Variants in GALNT9 observed in about 807,000 individuals in gnomAD.
GALNT9 encodes polypeptide N-acetylgalactosaminyltransferase 9.
Under a neutral mutation model 63.1 loss-of-function variants are expected in GALNT9, and 47 were observed. That is an observed-to-expected ratio of 0.75 (90% CI 0.59 to 0.95). The LOEUF (loss-of-function observed/expected upper bound fraction) is 0.95. GALNT9 is among the 40% of genes least tolerant of loss of function. The pLI, the probability that GALNT9 is intolerant of heterozygous loss-of-function variation, is 0.00. For synonymous variants in GALNT9, 396 were observed against 365.7 expected, an observed-to-expected ratio of 1.08 and a Z score of -0.94; for missense variants, 829 against 874.8, an observed-to-expected ratio of 0.95 and a Z score of 0.66.
chr12:132,247,093 C>T (rs1878731379), intron 6 of GALNT9, among the ~76,000 whole-genome samples: 1 of 152,188 alleles, frequency 6.6e-6, no homozygotes, highest in Non-Finnish European at 1.5e-5. Flanking sequence ...AAACCCGCAA[C>T]CTCCAAAATA....
chr12:132,218,045 C>T (rs1360846683), intron 6 of GALNT9, among the ~76,000 whole-genome samples: 4 of 152,044 alleles, frequency 2.6e-5, no homozygotes, highest in Non-Finnish European at 4.4e-5. Context: ...CCCACCCACT[C>T]ATCCAGCCAC....
At chr12:132,297,100 T>G (rs183171023) in intron 1 of GALNT9, among the ~76,000 whole-genome samples, 432 of 145,540 alleles carry the variant, frequency 3.0e-3, no homozygotes, top group African/African-American at 0.011. Flanking sequence ...GATAACCAAC[T>G]CACTCCCAAG....
At chr12:132,251,519 C>T (rs1451582042) in intron 5 of GALNT9, among the ~76,000 whole-genome samples, 1 of 152,228 alleles carries the variant, frequency 6.6e-6, no homozygotes, top group East Asian at 1.9e-4. Context: ...GCTCAGGGCT[C>T]TGCAAGGCCA....
chr12:132,301,246 C>T lies in GALNT9; in HGVS notation c.239-14816G>A, dbSNP rs560111730. Among the ~76,000 whole-genome samples, 172 of 152,340 alleles carry T rather than the reference C, an allele frequency of 1.1e-3. 3 individuals carry two copies. The highest frequency in any genetic ancestry group is 3.8e-3 in the African/African-American group (160 of 41,578). On this transcript the variant is annotated intron_variant, in intron 1 of 10. Transcript: ENST00000328957. ...ACCCCTGTATGGTGGCAGGCAAAGG[C>T]GTTAAATAGCCACTAAACCATGGTC... is the stretch of plus-strand genomic sequence containing the variant.
chr12:132,228,837 G>T (rs1314921420), intron 6 of GALNT9, among the ~76,000 whole-genome samples: 3 of 152,170 alleles, frequency 2.0e-5, no homozygotes, highest in East Asian at 1.9e-4. Flanking sequence ...CCTAATAGAC[G>T]CGATGGACTC....
intron 1 of GALNT9, among the ~76,000 whole-genome samples, chr12:132,311,286 C>A (rs1364983453): frequency 1.3e-5 from 2 of 152,084 alleles, no homozygotes; most frequent in South Asian, 4.1e-4. Flanking sequence ...GAAAACTCTC[C>A]CTCCGTAAAC....
intron 1 of GALNT9, among the ~76,000 whole-genome samples, chr12:132,295,928 TCCGAACAGGGAC>T (rs1566016647): frequency 7.2e-6 from 1 of 138,344 alleles, no homozygotes; most frequent in Non-Finnish European, 1.5e-5. Context: ...AGGGACGGCC[TCCGAACAGGGAC>T]GGCCTCCGAA....
At chr12:132,276,967 TCA>T (rs1413529866) in intron 2 of GALNT9, among the ~76,000 whole-genome samples, 10 of 151,954 alleles carry the variant, frequency 6.6e-5, no homozygotes, top group African/African-American at 1.7e-4. Flanking sequence ...TACATACATC[TCA>T]CACACACAGA....
rs1402043711 is a variant in GALNT9 at position 132,315,456 on chromosome 12, G to A, written c.238+13510C>T. Reference sequence around the variant, plus strand: ...CAAAATAGTGTGAAAATAGCCCCTTGCAGAATTCAGACCCCGTCTGTTCTT... The same window carrying A: ...CAAAATAGTGTGAAAATAGCCCCTTACAGAATTCAGACCCCGTCTGTTCTT... On this transcript the variant is annotated intron_variant, in intron 1 of 10. Transcript: ENST00000328957. The surrounding 1 kb of genome is among the most constrained non-coding windows in gnomAD (Gnocchi z 6.1). Among the ~76,000 whole-genome samples the A allele has an allele frequency of 2.6e-5, 4 of 152,244 alleles. No individual in the cohort carries two copies. The highest frequency in any genetic ancestry group is 4.4e-5 in the Non-Finnish European group (3 of 68,040).
At chr12:132,205,074 C>T (rs941349339) in intron 6 of GALNT9, among the ~76,000 whole-genome samples, 4 of 152,160 alleles carry the variant, frequency 2.6e-5, no homozygotes, top group Non-Finnish European at 4.4e-5. Context: ...CAGCTGAGCT[C>T]GGATCCCTCA....
intron 8 of GALNT9, 30 bp from the exon 9 acceptor site, chr12:132,199,299 A>G (rs1409445936): frequency 1.3e-6 from 2 of 1,528,100 alleles, no homozygotes; most frequent in Middle Eastern, 1.7e-4. Flanking sequence ...GAGAAAGTCC[A>G]GAGTCACCCG....
rs1158236124 is a variant in GALNT9, at chr12:132,196,609, T to G, written c.*498A>C. The G allele has an allele frequency of 1.0e-6, 1 of 989,878 alleles. No individual in the cohort carries two copies. The highest frequency in any genetic ancestry group is 1.1e-4 in the East Asian group (1 of 8,910). The allele number at this position is 989,878 out of a possible 1,614,324, so 61.3% of individuals were successfully genotyped here. A position where few individuals can be genotyped will look rare whatever the true frequency, so the allele number is the denominator to read the frequency against. On this transcript the variant is annotated 3_prime_UTR_variant, in exon 11 of 11. Coordinates refer to ENST00000328957, the MANE Select transcript of GALNT9 (RefSeq NM_001122636.2). ...CGCTGTCCATGTCCTCCAGCACCCC[T>G]CTTACCAGACCACAAGGAGCTGCAT...
At chr12:132,302,859 G>A (rs2135575687) in intron 1 of GALNT9, among the ~76,000 whole-genome samples, 1 of 152,328 alleles carries the variant, frequency 6.6e-6, no homozygotes, top group Non-Finnish European at 1.5e-5. Context: ...CTTGCTTTGA[G>A]CCTTGTAGGA....
intron 6 of GALNT9, among the ~76,000 whole-genome samples, chr12:132,226,159 CCCATACACA>C (rs1466387596): frequency 9.9e-5 from 14 of 140,782 alleles, no homozygotes; most frequent in Non-Finnish European, 1.8e-4. Flanking sequence ...ACACATACAC[CCCATACACA>C]CCATATACAC....
At chr12:132,229,545 C>G (rs1459298138) in intron 6 of GALNT9, among the ~76,000 whole-genome samples, 3 of 152,256 alleles carry the variant, frequency 2.0e-5, no homozygotes, top group African/African-American at 7.2e-5. Context: ...GGGCCACACT[C>G]GCAGGCACAG....
Position 132,265,350 on chromosome 12 carries a change from G to T in GALNT9, c.420-2725C>A, listed in dbSNP as rs565231620. On this transcript the variant is annotated intron_variant, in intron 2 of 10. Coordinates refer to ENST00000328957, the MANE Select transcript of GALNT9 (RefSeq NM_001122636.2). This position sits in a 1 kb window ranked among gnomAD's most constrained non-coding sequence, Gnocchi z 5.3. ...GTGGGCTGAACGGTGTCCTCCTCCC[G>T]CGACCCAAGACACAGTGTCAGCAGG... 6.6e-6 allele frequency among the ~76,000 whole-genome samples: 1 copy of T among 152,094 alleles called. No individual in the cohort carries two copies. Among genetic ancestry groups the T allele is most frequent in the Non-Finnish European group, 1.5e-5 (1 of 68,024 alleles).
intron 2 of GALNT9, among the ~76,000 whole-genome samples, chr12:132,269,597 A>G (rs1879791230): frequency 1.3e-5 from 2 of 152,194 alleles, no homozygotes; most frequent in Admixed American, 6.5e-5. Flanking sequence ...AGCTGGGCCC[A>G]TGGTCAGACA....
chr12:132,215,997 G>A (rs935057650), intron 6 of GALNT9, among the ~76,000 whole-genome samples: 1 of 152,180 alleles, frequency 6.6e-6, no homozygotes, highest in Non-Finnish European at 1.5e-5. Flanking sequence ...GACGTGTGGA[G>A]GGAAGGGAGA....
intron 5 of GALNT9, among the ~76,000 whole-genome samples, chr12:132,257,412 C>T (rs1028328665): frequency 2.1e-4 from 25 of 120,000 alleles, no homozygotes; most frequent in African/African-American, 6.9e-4. Flanking sequence ...CCAGGTTGTG[C>T]TTGCTGGGGG....
Sources: gnomAD v4.1 joint callset for allele counts (sites outside exome capture counted in the v4.1 genomes callset) on GRCh38, gnomAD v4.1.1 for gene constraint, Gnocchi (gnomAD v3.1) non-coding constraint, MANE v1.5 for transcripts, NCBI Gene and HGNC (gene_info 2026-07-23, HGNC 2026-07-21) for gene names.